The following AGBL4 variants were observed in gnomAD, a reference collection of about 807,000 sequenced individuals.
The protein encoded by AGBL4 is cytosolic carboxypeptidase 6.
Under a neutral mutation model 66.4 loss-of-function variants are expected in AGBL4, and 58 were observed. That is an observed-to-expected ratio of 0.87 (90% CI 0.71 to 1.09). AGBL4 has a LOEUF of 1.09. Ranked by LOEUF, AGBL4 falls within the 50% of genes least tolerant of loss-of-function variation. The pLI, the probability that AGBL4 is intolerant of heterozygous loss-of-function variation, is 0.00. For missense variants in AGBL4, 579 were observed against 631.0 expected (o/e 0.92, Z 0.88); for synonymous variants, 234 against 222.9 (o/e 1.05, Z -0.44).
At chr1:49,187,091 T>C (rs1229318957) in intron 4 of AGBL4, among the ~76,000 whole-genome samples, 1 of 152,122 alleles carries the variant, frequency 6.6e-6, no homozygotes, top group Non-Finnish European at 1.5e-5. Context: ...TGAATAAGAT[T>C]CAGAATTAAG....
chr1:49,236,927 C>A (rs1650799255), intron 4 of AGBL4, among the ~76,000 whole-genome samples: 1 of 151,926 alleles, frequency 6.6e-6, no homozygotes, highest in Non-Finnish European at 1.5e-5. Flanking sequence ...TGAGACTTTC[C>A]TGCACTGTTA....
In AGBL4 at chr1:49,665,286, GT is replaced by G. The variant is rs570197771; in HGVS notation, c.282+32026del. 3.3e-5 allele frequency among the ~76,000 whole-genome samples: 5 copies of G among 151,792 alleles called. No individual in the cohort carries two copies. The South Asian group carries it at 6.3e-4, about 19-fold the overall frequency. On this transcript the variant is annotated intron_variant, in intron 3 of 13. Transcript: ENST00000371839. ...TTTAAAGCTGAGATCCAAATGGCCT[GT>G]TTTTTTTGTTTTTGTTTTTGTTTTT... is the stretch of plus-strand genomic sequence containing the variant.
At chr1:49,686,278 A>G (rs1646785841) in intron 3 of AGBL4, among the ~76,000 whole-genome samples, 1 of 152,154 alleles carries the variant, frequency 6.6e-6, no homozygotes, top group Non-Finnish European at 1.5e-5. Context: ...TTCTTTTGCC[A>G]GCACCCTCCA....
At chr1:48,726,083 G>A (rs533919864) in intron 6 of AGBL4, among the ~76,000 whole-genome samples, 4 of 152,184 alleles carry the variant, frequency 2.6e-5, no homozygotes, top group African/African-American at 4.8e-5. Context: ...TGGAAGTGGC[G>A]AATCCAGGAT....
chr1:49,404,487 C>A (rs2148616675), intron 3 of AGBL4, among the ~76,000 whole-genome samples: 1 of 152,322 alleles, frequency 6.6e-6, no homozygotes, highest in Non-Finnish European at 1.5e-5. Context: ...GCAGCCAGAG[C>A]AGACAGATAC....
chr1:48,656,061 G>T (rs1045056448), intron 7 of AGBL4, among the ~76,000 whole-genome samples: 7 of 152,182 alleles, frequency 4.6e-5, no homozygotes, highest in African/African-American at 1.7e-4. Flanking sequence ...AAACAAGTTT[G>T]CCAGGTCCTC....
At chr1:49,304,805 T>C (rs1644820441) in intron 3 of AGBL4, among the ~76,000 whole-genome samples, 1 of 152,234 alleles carries the variant, frequency 6.6e-6, no homozygotes, top group Non-Finnish European at 1.5e-5. Flanking sequence ...TATATGAGAA[T>C]ATTAAGACAT....
intron 7 of AGBL4, among the ~76,000 whole-genome samples, chr1:48,657,687 C>A (rs1284914799): frequency 6.6e-6 from 1 of 152,000 alleles, no homozygotes; most frequent in African/African-American, 2.4e-5. Flanking sequence ...AAGGTGGCAC[C>A]AATGATACAA....
At chr1:49,828,179 C>T (rs550389278) in intron 2 of AGBL4, among the ~76,000 whole-genome samples, 3 of 151,814 alleles carry the variant, frequency 2.0e-5, no homozygotes, top group Non-Finnish European at 4.4e-5. Flanking sequence ...AGTATCTGCA[C>T]ATAATTTCAT....
chr1:49,913,959 T>G (rs565055682), intron 1 of AGBL4, among the ~76,000 whole-genome samples: 5 of 152,296 alleles, frequency 3.3e-5, no homozygotes, highest in Admixed American at 3.3e-4. Flanking sequence ...CTCCTAGAGC[T>G]CTGGACCTGT....
chr1:48,994,144 C>G (rs1490196911), intron 5 of AGBL4, among the ~76,000 whole-genome samples: 2 of 152,148 alleles, frequency 1.3e-5, no homozygotes, highest in African/African-American at 4.8e-5. Flanking sequence ...TCTTTCCCAC[C>G]TGTATTCCAG....
chr1:49,656,975 C>T (rs1183680634), intron 3 of AGBL4, among the ~76,000 whole-genome samples: 4 of 152,154 alleles, frequency 2.6e-5, no homozygotes, highest in Non-Finnish European at 4.4e-5. Context: ...TTCGCCACTC[C>T]TATTCAACAT....
chr1:48,665,235 C>A (rs779994316), intron 6 of AGBL4, among the ~76,000 whole-genome samples: 2 of 152,160 alleles, frequency 1.3e-5, no homozygotes, highest in African/African-American at 4.8e-5. Context: ...AAGGGAGAGA[C>A]AGAAGGCTCA....
At chr1:49,071,086 G>T (rs1271868561) in intron 4 of AGBL4, among the ~76,000 whole-genome samples, 2 of 151,806 alleles carry the variant, frequency 1.3e-5, no homozygotes, top group Admixed American at 1.3e-4. Flanking sequence ...GATTGGTGGT[G>T]ATATCCCCTT....
intron 6 of AGBL4, among the ~76,000 whole-genome samples, chr1:48,837,132 A>G (rs1032498423): frequency 1.3e-5 from 2 of 151,492 alleles, no homozygotes; most frequent in African/African-American, 4.8e-5. Context: ...AATCAATAGG[A>G]TAGTGAGTTG....
In AGBL4 at chr1:49,970,886, C is replaced by T. The variant is rs1216000346; in HGVS notation, c.34+52877G>A. Among the ~76,000 whole-genome samples the T allele has an allele frequency of 2.6e-5, 4 of 152,156 alleles. No individual in the cohort carries two copies. The East Asian group carries it at 7.7e-4, about 29-fold the overall frequency. On this transcript the variant is annotated intron_variant, in intron 1 of 13. Transcript: ENST00000371839. Reference sequence around the variant, plus strand: ...TATAATGTGACAGTAAGCTAATTTTCAAAGTTATATAACTCCTTGAAACTA... The same window carrying T: ...TATAATGTGACAGTAAGCTAATTTTTAAAGTTATATAACTCCTTGAAACTA...
At chr1:50,010,044 A>G (rs2148434640) in intron 1 of AGBL4, among the ~76,000 whole-genome samples, 1 of 152,352 alleles carries the variant, frequency 6.6e-6, no homozygotes, top group African/African-American at 2.4e-5. Context: ...GCAGTGGCTC[A>G]TGCCTGTAAT....
intron 4 of AGBL4, among the ~76,000 whole-genome samples, chr1:49,225,267 C>T (rs547737968): frequency 6.6e-6 from 1 of 152,098 alleles, no homozygotes; most frequent in Non-Finnish European, 1.5e-5. Context: ...AAATCAGAGA[C>T]CTTATGTATA....
intron 1 of AGBL4, among the ~76,000 whole-genome samples, chr1:49,908,788 C>T (rs1650532381): frequency 6.6e-6 from 1 of 152,014 alleles, no homozygotes; most frequent in African/African-American, 2.4e-5. Context: ...GGGTCTCAAA[C>T]TGAGAAATAA....
Sources: gnomAD v4.1 joint callset for allele counts (sites outside exome capture counted in the v4.1 genomes callset) on GRCh38, gnomAD v4.1.1 for gene constraint, MANE v1.5 for transcripts, NCBI Gene and HGNC (gene_info 2026-07-23, HGNC 2026-07-21) for gene names.